The following SLC30A8 variants were observed in gnomAD, a reference collection of about 807,000 sequenced individuals.
The protein encoded by SLC30A8 is solute carrier family 30 member 8, also known as proton-coupled zinc antiporter SLC30A8.
A neutral mutation model predicts 36.9 loss-of-function variants in SLC30A8; 27 were observed. The observed-to-expected ratio is 0.73, with a 90% CI of 0.54 to 1.01. SLC30A8 has a LOEUF of 1.01. Ranked by LOEUF, SLC30A8 falls within the 50% of genes least tolerant of loss-of-function variation. The pLI is 0.00. For missense variants in SLC30A8, 439 were observed against 452.0 expected, an observed-to-expected ratio of 0.97 and a Z score of 0.26; for synonymous variants, 164 against 172.4, an observed-to-expected ratio of 0.95 and a Z score of 0.38.
At chr8:117,009,587 T>C (rs920287855) in intron 1 of SLC30A8, among the ~76,000 whole-genome samples, 12 of 152,224 alleles carry the variant, frequency 7.9e-5, no homozygotes, top group Non-Finnish European at 1.2e-4. Context: ...ACTCCATAGT[T>C]ACTCTCAAAG....
At chr8:117,145,181 T>C (rs1821843170) in intron 1 of SLC30A8, among the ~76,000 whole-genome samples, 1 of 152,156 alleles carries the variant, frequency 6.6e-6, no homozygotes, top group South Asian at 2.1e-4. Context: ...CCAATAATTC[T>C]TATTTATTAA....
chr8:117,021,685 G>T (rs1371449132), intron 1 of SLC30A8, among the ~76,000 whole-genome samples: 2 of 152,212 alleles, frequency 1.3e-5, no homozygotes, highest in African/African-American at 2.4e-5. Flanking sequence ...TTTGCAAAAG[G>T]TCAAGAAAAT....
intron 2 of SLC30A8, among the ~76,000 whole-genome samples, chr8:117,075,348 A>G (rs529900353): frequency 1.5e-4 from 23 of 152,176 alleles, no homozygotes; most frequent in Non-Finnish European, 2.9e-4. Context: ...ATGAAGTACT[A>G]TAGGTTTAAC....
intron 1 of SLC30A8, among the ~76,000 whole-genome samples, chr8:117,142,659 C>T (rs62510551): frequency 0.057 from 8,680 of 152,182 alleles, 294 homozygotes; most frequent in East Asian, 0.13. Flanking sequence ...GGATAGCCTT[C>T]ACTCACATAG....
chr8:117,145,365 T>C (rs190374470), intron 1 of SLC30A8, among the ~76,000 whole-genome samples: 17 of 152,156 alleles, frequency 1.1e-4, no homozygotes, highest in African/African-American at 4.1e-4. Flanking sequence ...CTTTGTGATT[T>C]TTTTTTGTAA....
At chr8:116,974,752 G>T (rs1037793065) in intron 1 of SLC30A8, among the ~76,000 whole-genome samples, 4 of 152,126 alleles carry the variant, frequency 2.6e-5, no homozygotes, top group African/African-American at 9.6e-5. Context: ...GTTTATTGTG[G>T]CACTATTCAC....
At chr8:117,017,653 A>C (rs550047379) in intron 1 of SLC30A8, among the ~76,000 whole-genome samples, 1 of 152,332 alleles carries the variant, frequency 6.6e-6, no homozygotes, top group East Asian at 1.9e-4. Flanking sequence ...GAATACAACA[A>C]TTTCAGAATA....
At chr8:117,012,716 CAT>C (rs1816384074) in intron 1 of SLC30A8, among the ~76,000 whole-genome samples, 2 of 102,938 alleles carry the variant, frequency 1.9e-5, no homozygotes, top group South Asian at 4.5e-4. Flanking sequence ...TGTACATAGA[CAT>C]ATGTATACAC....
At chr8:117,091,054 C>A in intron 2 of SLC30A8, among the ~76,000 whole-genome samples, 1 of 151,918 alleles carries the variant, frequency 6.6e-6, no homozygotes. Flanking sequence ...TTAGGTTAAT[C>A]ATTAATCTGA....
intron 2 of SLC30A8, among the ~76,000 whole-genome samples, chr8:117,085,395 G>A (rs1818836521): frequency 6.6e-6 from 1 of 152,104 alleles, no homozygotes; most frequent in Admixed American, 6.6e-5. Context: ...AAAAATTGTA[G>A]AAATTACTCA....
At chr8:117,118,982 A>G (rs1586546468) in intron 2 of SLC30A8, among the ~76,000 whole-genome samples, 1 of 151,880 alleles carries the variant, frequency 6.6e-6, no homozygotes, top group African/African-American at 2.4e-5. Context: ...AGACAGGCCT[A>G]ATGTCTGTGG....
chr8:117,079,856 T>C (rs140835132), intron 2 of SLC30A8, among the ~76,000 whole-genome samples: 371 of 152,250 alleles, frequency 2.4e-3, no homozygotes, highest in Non-Finnish European at 4.0e-3. Context: ...TTAAACTGAG[T>C]CAATTCTTTT....
chr8:117,133,051 T>G (rs2130927414), upstream of SLC30A8, among the ~76,000 whole-genome samples: 1 of 152,136 alleles, frequency 6.6e-6, no homozygotes, highest in African/African-American at 2.4e-5. Context: ...ATGTACATTT[T>G]TATTAGTAAA....
intron 1 of SLC30A8, among the ~76,000 whole-genome samples, chr8:116,956,857 A>G (rs1814223391): frequency 6.6e-6 from 1 of 152,208 alleles, no homozygotes; most frequent in Non-Finnish European, 1.5e-5. Flanking sequence ...AGAATTACAA[A>G]TGACTGGTAC....
At position 117,022,368 on chromosome 8, in the gene SLC30A8, A is replaced by G. The variant is rs150543897; in HGVS notation, c.-265-16851A>G. On this transcript the variant is annotated intron_variant, in intron 1 of 10. Transcript: ENST00000427715. ...TCCTTTTTTTATGTTAGGTACATGAAGATGAATTAGGGATAATACATGCTG... is the reference window on the plus strand; with the variant it reads ...TCCTTTTTTTATGTTAGGTACATGAGGATGAATTAGGGATAATACATGCTG... Among the ~76,000 whole-genome samples the G allele has an allele frequency of 1.6e-4, 25 of 152,328 alleles. No homozygotes were observed. The East Asian group carries it at 4.6e-3, about 28-fold the overall frequency.
At chr8:117,146,694 A>T in intron 1 of SLC30A8, 1 of 530,160 alleles carries the variant, frequency 1.9e-6, no homozygotes, top group South Asian at 3.5e-5. Context: ...TATTCCTTTG[A>T]TATCTCTTAA....
chr8:117,074,810 C>T (rs530051853), intron 2 of SLC30A8, among the ~76,000 whole-genome samples: 1 of 152,276 alleles, frequency 6.6e-6, no homozygotes, highest in South Asian at 2.1e-4. Flanking sequence ...CTTCATATCT[C>T]ATTAAAATAG....
chr8:117,034,184 G>A (rs1285847288), intron 1 of SLC30A8, among the ~76,000 whole-genome samples: 3 of 152,110 alleles, frequency 2.0e-5, no homozygotes, highest in African/African-American at 4.8e-5. Flanking sequence ...TGACTAATAT[G>A]TAACATCTAG....
chr8:116,999,913 G>T (rs748010319), intron 1 of SLC30A8, among the ~76,000 whole-genome samples: 1 of 152,098 alleles, frequency 6.6e-6, no homozygotes. Flanking sequence ...AACAACAATA[G>T]ACATATTTTC....
Sources: allele counts gnomAD v4.1 joint callset (sites outside exome capture counted in the v4.1 genomes callset), GRCh38; gene constraint gnomAD v4.1.1; transcripts MANE v1.5; gene names NCBI Gene and HGNC (gene_info 2026-07-23, HGNC 2026-07-21).